FMN1: variants seen among roughly 807,000 people sequenced by gnomAD.
The protein encoded by FMN1 is formin 1, also known as formin-1.
Under a neutral mutation model 132.4 loss-of-function variants are expected in FMN1, and 110 were observed. The observed-to-expected ratio is 0.83, with a 90% CI of 0.71 to 0.97. FMN1 has a LOEUF of 0.97. Among genes scored for constraint, FMN1 ranks in the 50% least tolerant of loss-of-function variants. FMN1 has a pLI of 0.00. For missense variants in FMN1, 1,792 were observed against 1,705.3 expected (o/e 1.05, Z -0.90); for synonymous variants, 722 against 651.7 (o/e 1.11, Z -1.64).
At chr15:32,800,736 T>G (rs928161352) in intron 18 of FMN1, among the ~76,000 whole-genome samples, 5 of 152,234 alleles carry the variant, frequency 3.3e-5, no homozygotes, top group African/African-American at 9.6e-5. Flanking sequence ...TCAGGTCCCC[T>G]GATTTTCTGT....
intron 9 of FMN1, among the ~76,000 whole-genome samples, chr15:32,960,610 T>C (rs1201515838): frequency 3.3e-5 from 5 of 152,182 alleles, no homozygotes; most frequent in African/African-American, 1.2e-4. Flanking sequence ...AATTCAGACA[T>C]TTTCCTTTTT....
rs1241317912 is a variant in FMN1 at position 32,769,659 on chromosome 15, T to C, written c.*4651A>G. 1.4e-5 allele frequency: 1 copy of C among 70,548 alleles called. No homozygotes were observed. Among genetic ancestry groups the C allele is most frequent in the African/African-American group, 3.4e-5 (1 of 29,512 alleles). 4.4% of individuals were successfully genotyped at this position (70,548 alleles called of 1,614,324 possible). A position where few individuals can be genotyped will look rare whatever the true frequency, so the allele number is the denominator to read the frequency against. On this transcript the variant is annotated 3_prime_UTR_variant, in exon 21 of 21. Transcript: ENST00000616417. Reference sequence around the variant, plus strand: ...TCTCTATAGCTGGAAAATGGAAATATATCCAAGTTATTTGCATTTTGGAAA... The same window carrying C: ...TCTCTATAGCTGGAAAATGGAAATACATCCAAGTTATTTGCATTTTGGAAA...
In FMN1 at chr15:33,078,986, G is replaced by T. The variant is rs1042984789; in HGVS notation, c.2043+9813C>A. 3.3e-5 allele frequency among the ~76,000 whole-genome samples: 5 copies of T among 152,046 alleles called. 1 individual carries two copies. In the South Asian group the frequency reaches 1.0e-3, roughly 32 times the overall value. The stretch of plus-strand genomic sequence containing the variant: ...AAGAAATTGGAACACATCCAAAGGG[G>T]GCCAAAAACAATCATGTGAATTTTA... On this transcript the variant is annotated intron_variant, in intron 5 of 20. Coordinates refer to ENST00000616417, the MANE Select transcript of FMN1 (RefSeq NM_001277313.2).
At chr15:33,047,387 TGG>T (rs1165738402) in intron 6 of FMN1, among the ~76,000 whole-genome samples, 1 of 152,242 alleles carries the variant, frequency 6.6e-6, no homozygotes, top group African/African-American at 2.4e-5. Flanking sequence ...CGAGAAATAT[TGG>T]CCACTTTGTG....
intron 19 of FMN1, among the ~76,000 whole-genome samples, chr15:32,786,239 G>T (rs900322326): frequency 6.6e-6 from 1 of 152,064 alleles, no homozygotes; most frequent in African/African-American, 2.4e-5. Context: ...GATAAACAAA[G>T]GAACATGCAA....
At chr15:33,038,029 C>T (rs2036264860) in intron 6 of FMN1, among the ~76,000 whole-genome samples, 1 of 152,178 alleles carries the variant, frequency 6.6e-6, no homozygotes, top group Non-Finnish European at 1.5e-5. Flanking sequence ...TTGAGGCCAG[C>T]CTGGCCAACA....
At chr15:32,799,356 T>C (rs376124223) in intron 18 of FMN1, among the ~76,000 whole-genome samples, 1 of 152,182 alleles carries the variant, frequency 6.6e-6, no homozygotes, top group Non-Finnish European at 1.5e-5. Context: ...CGATAGCTCA[T>C]TGGGAATAAT....
chr15:33,145,099 C>T (rs905436442), intron 4 of FMN1, among the ~76,000 whole-genome samples: 4 of 152,096 alleles, frequency 2.6e-5, no homozygotes, highest in South Asian at 2.1e-4. Context: ...CACCAATTTC[C>T]CCTGAATCAT....
chr15:33,122,807 A>C (rs1001142328), intron 4 of FMN1, among the ~76,000 whole-genome samples: 3 of 152,224 alleles, frequency 2.0e-5, no homozygotes, highest in Non-Finnish European at 4.4e-5. Context: ...ATAATCTGAA[A>C]GAAGAGGGAA....
intron 17 of FMN1, among the ~76,000 whole-genome samples, chr15:32,836,435 G>C (rs957197174): frequency 1.3e-5 from 2 of 152,078 alleles, no homozygotes; most frequent in Admixed American, 1.3e-4. Context: ...GTTCTATTTA[G>C]TGTCATTTAT....
intron 7 of FMN1, among the ~76,000 whole-genome samples, chr15:32,974,269 C>T (rs1158476660): frequency 1.3e-5 from 2 of 152,326 alleles, no homozygotes; most frequent in East Asian, 3.9e-4. Flanking sequence ...CCCAATACAT[C>T]ATTTGAAAAG....
chr15:33,128,707 C>CT (rs1337781091), intron 4 of FMN1, among the ~76,000 whole-genome samples: 1 of 152,176 alleles, frequency 6.6e-6, no homozygotes, highest in Non-Finnish European at 1.5e-5. Flanking sequence ...CCCGCGGACC[C>CT]TCACGGTAAG....
chr15:33,028,587 C>T (rs1039060713), intron 6 of FMN1, among the ~76,000 whole-genome samples: 9 of 151,144 alleles, frequency 6.0e-5, no homozygotes, highest in South Asian at 2.1e-4. Context: ...TTTGGAAATC[C>T]CACTTTACTG....
Position 32,785,218 on chromosome 15 carries a change from A to ATTTTTT in FMN1, c.4131-8305_4131-8300dup, listed in dbSNP as rs1230723314. The stretch of plus-strand genomic sequence containing the variant: ...TGTGTGTGTATATATATATATATAT[A>ATTTTTT]TTTTTTTTTTTTTTTTTTTGTAGAG... On this transcript the variant is annotated intron_variant, in intron 19 of 20. Coordinates refer to ENST00000616417, the MANE Select transcript of FMN1 (RefSeq NM_001277313.2). Among the ~76,000 whole-genome samples the ATTTTTT allele has an allele frequency of 3.9e-3, 154 of 39,192 alleles. 17 individuals carry two copies. Among genetic ancestry groups the ATTTTTT allele is most frequent in the African/African-American group, 8.6e-3 (72 of 8,382 alleles). 25.7% of individuals were successfully genotyped at this position (39,192 alleles called of 152,430 possible).
intron 6 of FMN1, among the ~76,000 whole-genome samples, chr15:33,048,065 T>C (rs2036772423): frequency 6.6e-6 from 1 of 152,214 alleles, no homozygotes; most frequent in Admixed American, 6.5e-5. Context: ...TTTTAGTTCC[T>C]GTAGCTTTGG....
At chr15:33,107,504 C>G (rs534429887) in intron 4 of FMN1, among the ~76,000 whole-genome samples, 26 of 151,938 alleles carry the variant, frequency 1.7e-4, no homozygotes, top group African/African-American at 6.1e-4. Context: ...TAACCTCTCC[C>G]TTACTTCATT....
At chr15:32,789,932 G>A (rs1227749904) in intron 19 of FMN1, among the ~76,000 whole-genome samples, 1 of 152,208 alleles carries the variant, frequency 6.6e-6, no homozygotes, top group East Asian at 1.9e-4. Flanking sequence ...CAGCCTAGGT[G>A]TGAAGTAGGC....
At chr15:32,889,810 G>A (rs1342068839) in intron 15 of FMN1, among the ~76,000 whole-genome samples, 1 of 152,116 alleles carries the variant, frequency 6.6e-6, no homozygotes, top group Non-Finnish European at 1.5e-5. Context: ...GGGTAGAGGT[G>A]GTATTTGGTT....
At chr15:33,147,637 G>C (rs766079803) in intron 4 of FMN1, among the ~76,000 whole-genome samples, 3 of 152,200 alleles carry the variant, frequency 2.0e-5, no homozygotes, top group Non-Finnish European at 4.4e-5. Context: ...GAGCTGGCTT[G>C]AGATTTTAAA....
Sources: allele counts gnomAD v4.1 joint callset (sites outside exome capture counted in the v4.1 genomes callset), GRCh38; gene constraint gnomAD v4.1.1; transcripts MANE v1.5; gene names NCBI Gene and HGNC (gene_info 2026-07-23, HGNC 2026-07-21).